Variants in BNC1 observed in about 807,000 individuals in gnomAD.
BNC1 encodes the protein zinc finger protein basonuclin-1.
In BNC1, 8 loss-of-function variants were observed where a neutral mutation model predicts 66.5. That is an observed-to-expected ratio of 0.12 (90% CI 0.07 to 0.22). The LOEUF (loss-of-function observed/expected upper bound fraction) is 0.22, where lower values mean the gene tolerates loss of function less well. Among genes scored for constraint, BNC1 ranks in the 10% least tolerant of loss-of-function variants. BNC1 has a pLI of 1.00. For missense variants in BNC1, 1,069 were observed against 1,241.3 expected (o/e 0.86, Z 2.09); for synonymous variants, 454 against 452.6 (o/e 1.00, Z -0.04).
intron 1 of BNC1, among the ~76,000 whole-genome samples, chr15:83,269,116 C>T (rs982686419): frequency 2.0e-5 from 3 of 152,128 alleles, no homozygotes; most frequent in South Asian, 2.1e-4. Context: ...CCCAGCTACT[C>T]GGGAGGCTAA....
intron 4 of BNC1, 54 bp from the exon 5 acceptor site, chr15:83,258,180 A>G: frequency 6.6e-7 from 1 of 1,512,690 alleles, no homozygotes; most frequent in Non-Finnish European, 9.0e-7. Flanking sequence ...AGAAACAGTC[A>G]TCATTCTGAG....
chr15:83,257,875 C>T lies in BNC1; in HGVS notation c.2552G>A (p.Ser851Asn), dbSNP rs112355130. ...GCTCAAATCCAGGATGGTGCCCTCG[C>T]TCAAGGGGCCAGAGTTGTAGCTCTC... ...SLESYNSGPL[S>N]EGTILDLSTT... The change falls in exon 5 of 5, where the codon AGC (serine) becomes AAC (asparagine). Residue 851 changes from serine (S) to asparagine (N), a missense_variant. By Grantham distance (46) the Ser-to-Asn change is conservative. Coordinates refer to ENST00000345382, the MANE Select transcript of BNC1 (RefSeq NM_001717.4). The T allele has an allele frequency of 7.4e-6, 12 of 1,613,924 alleles. No homozygotes were observed. Among genetic ancestry groups the T allele is most frequent in the Middle Eastern group, 1.6e-4 (1 of 6,084 alleles).
chr15:83,263,359 T>C lies in BNC1; in HGVS notation c.1892A>G (p.Asn631Ser). ...TGTCTGCTCAGTCTCCCTCTCTGAA[T>C]TGTGTGTGGCCTGCTCAGGGGTTTG... ...ISQTPEQATHNSERETEQTPA... is the reference protein window; with the variant it reads ...ISQTPEQATHSSERETEQTPA... The change falls in exon 4 of 5, where the codon AAT becomes AGT. Residue 631 changes from asparagine (N) to serine (S), a missense_variant. Transcript: ENST00000345382. 3 of 1,614,202 alleles carry C rather than the reference T, an allele frequency of 1.9e-6. No homozygotes were observed. The highest frequency in any genetic ancestry group is 2.5e-6 in the Non-Finnish European group (3 of 1,180,038).
chr15:83,277,214 T>C (rs1595942271), intron 1 of BNC1, among the ~76,000 whole-genome samples: 1 of 152,152 alleles, frequency 6.6e-6, no homozygotes. Context: ...AAATCTCACA[T>C]AGGCGCATGC....
chr15:83,279,965 A>C (rs1476617990), intron 1 of BNC1, among the ~76,000 whole-genome samples: 1 of 152,230 alleles, frequency 6.6e-6, no homozygotes, highest in Non-Finnish European at 1.5e-5. Context: ...CTGTGAGTTT[A>C]AAGTATGCAT....
intron 2 of BNC1, 86 bp downstream of exon 2, chr15:83,268,047 C>T: frequency 8.7e-7 from 1 of 1,150,540 alleles, no homozygotes; most frequent in South Asian, 1.4e-5. Context: ...AGTTGTCATT[C>T]TTAAGATATT....
chr15:83,262,596 G>A (rs2038156150), intron 4 of BNC1, among the ~76,000 whole-genome samples: 1 of 152,176 alleles, frequency 6.6e-6, no homozygotes. Flanking sequence ...TAGGTTTTTG[G>A]AAGTAAAAAT....
chr15:83,270,024 C>A (rs1288609331), intron 1 of BNC1, among the ~76,000 whole-genome samples: 1 of 152,108 alleles, frequency 6.6e-6, no homozygotes, highest in Non-Finnish European at 1.5e-5. Context: ...AAGAACAGGC[C>A]AATTGATAAA....
At chr15:83,284,494 G>A (rs759534002) in intron 1 of BNC1, 36 bp downstream of exon 1, 8 of 1,190,446 alleles carry the variant, frequency 6.7e-6, no homozygotes, top group South Asian at 1.9e-5. Context: ...TCCGCGCACA[G>A]AGAATCCCCG....
At position 83,257,552 on chromosome 15, in the gene BNC1, T is replaced by C; in HGVS notation, c.2875A>G (p.Lys959Glu). Residue 959 changes from lysine (K) to glutamate (E), a missense_variant, in exon 5 of 5, where the codon AAA becomes GAA. Around this residue, in one of 7 missense-constraint regions of BNC1, gnomAD observed 657 missense variants for 715.8 expected, o/e 0.92. Transcript: ENST00000345382. ...TVHLRQLHKC[K>E]VPGCNTMFSS... ...AACATGGTGTTGCAGCCTGGTACTTTGCATTTGTGGAGCTGCCGGAGGTGC... is the reference window on the plus strand; with the variant it reads ...AACATGGTGTTGCAGCCTGGTACTTCGCATTTGTGGAGCTGCCGGAGGTGC... 6.2e-7 allele frequency: 1 copy of C among 1,614,170 alleles called. No homozygotes were observed. Among genetic ancestry groups the C allele is most frequent in the African/African-American group, 1.3e-5 (1 of 75,038 alleles).
Position 83,263,684 on chromosome 15 carries a change from T to C in BNC1, c.1567A>G (p.Ile523Val), listed in dbSNP as rs780377343. 1.2e-6 allele frequency: 2 copies of C among 1,614,168 alleles called. No homozygotes were observed. Among genetic ancestry groups the C allele is most frequent in the African/African-American group, 1.3e-5 (1 of 75,048 alleles). ...LLSSSIPEQL[I>V]SNEMPFDALP... is the part of the protein sequence containing the mutation. The stretch of plus-strand genomic sequence containing the variant: ...GCATCAAATGGCATTTCGTTTGAAA[T>C]GAGCTGTTCTGGGATTGAAGAGGAC... Residue 523 changes from isoleucine (I) to valine (V), a missense_variant, in exon 4 of 5, where the codon ATT becomes GTT. Physicochemically the swap from Ile to Val is conservative, Grantham distance 29. Around this residue, in one of 7 missense-constraint regions of BNC1, gnomAD observed 657 missense variants for 715.8 expected, o/e 0.92. Coordinates refer to ENST00000345382, the MANE Select transcript of BNC1 (RefSeq NM_001717.4).
In BNC1 at chr15:83,283,602, CA is replaced by C. The variant is rs887672250; in HGVS notation, c.99+927del. ...AAACCCCTGAAGGAAGCGGCAGGCG[CA>C]GCCGCGGGCTCCGCAGCCCAGGCCC... On this transcript the variant is annotated intron_variant, in intron 1 of 4. Coordinates refer to ENST00000345382, the MANE Select transcript of BNC1 (RefSeq NM_001717.4). 5.8e-5 allele frequency: 45 copies of C among 780,476 alleles called. No homozygotes were observed. The African/African-American group carries it at 8.1e-4, about 14-fold the overall frequency. 48.3% of individuals were successfully genotyped at this position (780,476 alleles called of 1,614,324 possible).
At chr15:83,266,411 A>G (rs2038218842) in intron 3 of BNC1, among the ~76,000 whole-genome samples, 2 of 152,228 alleles carry the variant, frequency 1.3e-5, no homozygotes, top group South Asian at 4.1e-4. Context: ...TTTAAAGAAC[A>G]GGAAGGTGTG....
chr15:83,262,879 G>C, intron 4 of BNC1, 72 bp downstream of exon 4: 1 of 1,412,366 alleles, frequency 7.1e-7, no homozygotes, highest in South Asian at 1.4e-5. Context: ...ACAATTCTCC[G>C]GGTGATTCTG....
In BNC1 at chr15:83,264,803, T is replaced by C. The variant is rs1271159698; in HGVS notation, c.448A>G (p.Lys150Glu). ...ATGATGCTCCAGTGATCCAACACCT[T>C]TCCTGATGCATCCTAAACCCAAACC... ...RGYVLQDASG[K>E]VLDHWSIMTS... The change falls in exon 4 of 5, where the codon AAG (lysine) becomes GAG (glutamate). Residue 150 changes from lysine to glutamate, a missense_variant. By Grantham distance (56) the Lys-to-Glu change is moderately conservative. Coordinates refer to ENST00000345382, the MANE Select transcript of BNC1 (RefSeq NM_001717.4). 6.2e-7 allele frequency: 1 copy of C among 1,613,532 alleles called. No individual in the cohort carries two copies. The highest frequency in any genetic ancestry group is 1.1e-5 in the South Asian group (1 of 90,986).
Position 83,262,971 on chromosome 15 carries a change from G to C in BNC1, c.2280C>G (p.Pro760=). The C allele has an allele frequency of 2.5e-6, 4 of 1,609,740 alleles. No individual in the cohort carries two copies. Among genetic ancestry groups the C allele is most frequent in the Non-Finnish European group, 3.4e-6 (4 of 1,177,186 alleles). Reference sequence around the variant, plus strand: ...CTTACCTGTCTCTGCTCCTGCGGGAGGGAAAGGTAGCATTACAGCCCTCCA... The same window carrying C: ...CTTACCTGTCTCTGCTCCTGCGGGACGGAAAGGTAGCATTACAGCCCTCCA... ...CTVEGCNATF[P]SRRSRDRHSS... The change falls in exon 4 of 5, where the codon CCC becomes CCG. Residue 760 remains proline, a synonymous_variant. Transcript: ENST00000345382.
intron 1 of BNC1, among the ~76,000 whole-genome samples, chr15:83,282,210 G>A (rs1014313672): frequency 2.0e-5 from 3 of 152,172 alleles, no homozygotes; most frequent in African/African-American, 4.8e-5. Flanking sequence ...ATGTGTGCTA[G>A]GTGAAGATTT....
Position 83,283,594 on chromosome 15 carries a change from G to A in BNC1, c.99+936C>T, listed in dbSNP as rs191604329. 1.0e-3 allele frequency: 873 copies of A among 845,332 alleles called. 1 individual carries two copies. Among genetic ancestry groups the A allele is most frequent in the South Asian group, 4.2e-3 (78 of 18,602 alleles). 52.4% of individuals were successfully genotyped at this position (845,332 alleles called of 1,614,324 possible). A position where few individuals can be genotyped will look rare whatever the true frequency, so the allele number is the denominator to read the frequency against. On this transcript the variant is annotated intron_variant, in intron 1 of 4. Transcript: ENST00000345382. ...TCCCATGCAAACCCCTGAAGGAAGC[G>A]GCAGGCGCAGCCGCGGGCTCCGCAG...
At chr15:83,284,440 G>T in intron 1 of BNC1, 90 bp downstream of exon 1, 1 of 862,668 alleles carries the variant, frequency 1.2e-6, no homozygotes. Flanking sequence ...TGGCCCTCGG[G>T]TACCCACGGG....
Sources: allele counts gnomAD v4.1 joint callset (sites outside exome capture counted in the v4.1 genomes callset), GRCh38; gene constraint gnomAD v4.1.1; regional missense constraint gnomAD v4.1.1; transcripts MANE v1.5; gene names NCBI Gene and HGNC (gene_info 2026-07-23, HGNC 2026-07-21).